MDN1: variants seen among roughly 807,000 people sequenced by gnomAD.
MDN1 encodes the protein midasin AAA ATPase 1.
MDN1 carries 266 observed loss-of-function variants against 669.2 expected under a neutral mutation model. The ratio of observed to expected loss-of-function variants is 0.40; its 90% confidence interval spans 0.36 to 0.44. The LOEUF (loss-of-function observed/expected upper bound fraction) is 0.44. MDN1 is among the 20% of genes least tolerant of loss of function. MDN1 has a pLI of 1.00. For missense variants in MDN1, 5,940 were observed against 6,754.0 expected (o/e 0.88, Z 4.22); for synonymous variants, 2,385 against 2,457.1 (o/e 0.97, Z 0.87).
intron 1 of MDN1, among the ~76,000 whole-genome samples, chr6:89,818,461 T>G (rs1768995024): frequency 6.6e-6 from 1 of 151,408 alleles, no homozygotes; most frequent in Non-Finnish European, 1.5e-5. Context: ...AAGGGGGACC[T>G]TACAACTACA....
In MDN1 at chr6:89,723,055, T is replaced by C. The variant is rs751591216; in HGVS notation, c.5867A>G (p.Gln1956Arg). 6.2e-7 allele frequency: 1 copy of C among 1,613,984 alleles called. No homozygotes were observed. The highest frequency in any genetic ancestry group is 8.5e-7 in the Non-Finnish European group (1 of 1,179,984). Residue 1956 changes from glutamine to arginine, a missense_variant, in exon 40 of 102, where the codon CAG becomes CGG. By Grantham distance (43) the Gln-to-Arg change is conservative. Coordinates refer to ENST00000369393, the MANE Select transcript of MDN1 (RefSeq NM_014611.3). ...AGGGGACTGGTCAACCAGCATCAAC[T>C]GACACCAGCGGAAAAGGTCCCGGAG... ...FNLRDLFRWCQLMLVDQSPGC... is the reference protein window; with the variant it reads ...FNLRDLFRWCRLMLVDQSPGC...
chr6:89,670,156 ATATATATATATATAT>A (rs1352797517), intron 83 of MDN1, among the ~76,000 whole-genome samples: 1 of 26,512 alleles, frequency 3.8e-5, no homozygotes, highest in Non-Finnish European at 6.0e-5. Flanking sequence ...ATATATATAT[ATATATATATATATAT>A]TTTTTTTTTT....
At position 89,672,186 on chromosome 6, in the gene MDN1, G is replaced by A. The variant is rs370587381; in HGVS notation, c.13794+14C>T. The A allele has an allele frequency of 1.3e-6, 2 of 1,564,444 alleles. No individual in the cohort carries two copies. The highest frequency in any genetic ancestry group is 2.3e-5 in the East Asian group (1 of 43,976). ...TTCTGAAGAGGAAGAAGTTTGTAAA[G>A]AACAGTTAGTTACCAGGTGCTTTGC... On this transcript the variant is annotated intron_variant, in intron 82 of 101. Coordinates refer to ENST00000369393, the MANE Select transcript of MDN1 (RefSeq NM_014611.3).
chr6:89,716,358 T>C (rs1814369966), intron 44 of MDN1, among the ~76,000 whole-genome samples: 1 of 152,212 alleles, frequency 6.6e-6, no homozygotes, highest in African/African-American at 2.4e-5. Context: ...GGAAGACTTC[T>C]GATATTAAAT....
In MDN1 at chr6:89,745,314, T is replaced by C. The variant is rs749550204; in HGVS notation, c.4137A>G (p.Ala1379=). 4 of 1,613,916 alleles carry C rather than the reference T, an allele frequency of 2.5e-6. No individual in the cohort carries two copies. The Admixed American group carries it at 6.7e-5, about 27-fold the overall frequency. The change falls in exon 29 of 102, where the codon GCA becomes GCG. Residue 1379 remains alanine (A), a synonymous_variant. Transcript: ENST00000369393. ...GCAGCACAGGTTCACCAAATTCCAATGCCCTTCCCACTAGCATCGCGAGTC... is the reference window on the plus strand; with the variant it reads ...GCAGCACAGGTTCACCAAATTCCAACGCCCTTCCCACTAGCATCGCGAGTC... The part of the protein sequence containing the change: ...MRRLAMLVGR[A]LEFGEPVLLV...
At chr6:89,728,663 T>C (rs937583722) in intron 36 of MDN1, among the ~76,000 whole-genome samples, 1 of 152,122 alleles carries the variant, frequency 6.6e-6, no homozygotes, top group African/African-American at 2.4e-5. Context: ...AAACCCTGTC[T>C]CTAATAATAA....
Position 89,722,998 on chromosome 6 carries a change from A to T in MDN1, c.5924T>A (p.Leu1975Ter). ...GCYDPGQHVF[L>*]VYGERMRTEE... The stretch of plus-strand genomic sequence containing the variant: ...GGTTCTCATTCTTTCACCATAGACC[A>T]AAAACACATGCTGACCAGGATCATA... The change falls in exon 40 of 102, where the codon TTG becomes TAG. Residue 1975 changes from leucine to a stop codon, truncating the protein, a stop_gained. Transcript: ENST00000369393. LOFTEE classifies it high-confidence loss of function. 6.2e-7 allele frequency: 1 copy of T among 1,613,558 alleles called. No individual in the cohort carries two copies.
intron 71 of MDN1, among the ~76,000 whole-genome samples, 167 bp from the exon 72 acceptor site, chr6:89,684,071 C>T (rs756950048): frequency 6.6e-6 from 1 of 152,114 alleles, no homozygotes; most frequent in Non-Finnish European, 1.5e-5. Context: ...GGGCTAGGCG[C>T]GGTGGCTCAC....
chr6:89,707,190 T>G (rs1194689127), intron 52 of MDN1, among the ~76,000 whole-genome samples, 171 bp downstream of exon 52: 1 of 152,188 alleles, frequency 6.6e-6, no homozygotes, highest in African/African-American at 2.4e-5. Flanking sequence ...ACAAAGTAAG[T>G]GCTCAGTAAA....
At chr6:89,645,489 C>G (rs1808437197) in intron 100 of MDN1, among the ~76,000 whole-genome samples, 2 of 152,196 alleles carry the variant, frequency 1.3e-5, no homozygotes, top group South Asian at 4.1e-4. Flanking sequence ...AATTAAAACA[C>G]TAGTTTATGG....
At chr6:89,649,907 T>A in intron 97 of MDN1, 117 bp downstream of exon 97, 1 of 1,061,414 alleles carries the variant, frequency 9.4e-7, no homozygotes, top group East Asian at 2.4e-5. Context: ...TCAAAATGTT[T>A]TAGCCATATC....
chr6:89,710,335 A>G (rs986674119), intron 50 of MDN1, among the ~76,000 whole-genome samples: 1 of 152,064 alleles, frequency 6.6e-6, no homozygotes, highest in Non-Finnish European at 1.5e-5. Context: ...TTTTTACTCC[A>G]TGGCATATCA....
intron 1 of MDN1, chr6:89,815,387 AG>A: frequency 2.4e-6 from 1 of 419,378 alleles, no homozygotes; most frequent in Non-Finnish European, 4.7e-6. Context: ...TTCATGACTG[AG>A]GAAGTGCCCT....
At chr6:89,701,783 T>C in intron 54 of MDN1, 105 bp from the exon 55 acceptor site, 2 of 1,518,068 alleles carry the variant, frequency 1.3e-6, no homozygotes, top group Non-Finnish European at 1.8e-6. Context: ...TAATTGTACA[T>C]TCACCAATAT....
intron 13 of MDN1, 121 bp from the exon 14 acceptor site, chr6:89,772,842 T>C: frequency 9.2e-7 from 1 of 1,083,922 alleles, no homozygotes; most frequent in Non-Finnish European, 1.3e-6. Flanking sequence ...AGTAACTGTC[T>C]TCAAGCTATA....
chr6:89,756,525 T>C (rs775758714), intron 19 of MDN1, 135 bp from the exon 20 acceptor site: 31 of 520,314 alleles, frequency 6.0e-5, no homozygotes, highest in South Asian at 3.0e-4. Context: ...CAACCTGATA[T>C]AGAAACTTAG....
chr6:89,674,247 G>C lies in MDN1; in HGVS notation c.13104C>G (p.Pro4368=). 6.2e-7 allele frequency: 1 copy of C among 1,614,260 alleles called. No homozygotes were observed. Residue 4368 remains proline, a synonymous_variant, in exon 79 of 102, where the codon CCC becomes CCG. Coordinates refer to ENST00000369393, the MANE Select transcript of MDN1 (RefSeq NM_014611.3). ...CCTGTTTCCGCATCCGGCAACCAGAGGGCAGCTGACTTCCAGGTATTGGAG... is the reference window on the plus strand; with the variant it reads ...CCTGTTTCCGCATCCGGCAACCAGACGGCAGCTGACTTCCAGGTATTGGAG... ...YPSPIPGSQL[P]SGCRMRKQDH...
intron 11 of MDN1, among the ~76,000 whole-genome samples, chr6:89,777,238 G>GC (rs1213559586): frequency 6.6e-6 from 1 of 152,136 alleles, no homozygotes; most frequent in Non-Finnish European, 1.5e-5. Flanking sequence ...AATTCATCAA[G>GC]CATTTTTTGT....
In MDN1 at chr6:89,751,536, T is replaced by A; in HGVS notation, c.3122A>T (p.Tyr1041Phe). The A allele has an allele frequency of 1.2e-6, 2 of 1,614,108 alleles. No individual in the cohort carries two copies. The highest frequency in any genetic ancestry group is 8.5e-7 in the Non-Finnish European group (1 of 1,179,998). The change falls in exon 23 of 102, where the codon TAC becomes TTC. Residue 1041 changes from tyrosine (Y) to phenylalanine (F), a missense_variant. Physicochemically the swap from Tyr to Phe is conservative, Grantham distance 22 (BLOSUM62 3). Coordinates refer to ENST00000369393, the MANE Select transcript of MDN1 (RefSeq NM_014611.3). ...CTCCTTGTCTCCCACCGCAATCCAG[T>A]AGCCTTCAACCTGGATAAGCCGACC... ...KGGRLIQVEG[Y>F]WIAVGDKEPT... is the part of the protein sequence containing the mutation.
Sources: gnomAD v4.1 joint callset for allele counts (sites outside exome capture counted in the v4.1 genomes callset) on GRCh38, gnomAD v4.1.1 for gene constraint, MANE v1.5 for transcripts, NCBI Gene and HGNC (gene_info 2026-07-23, HGNC 2026-07-21) for gene names.